Variants in USP37 observed in about 807,000 individuals in gnomAD.
USP37 encodes ubiquitin carboxyl-terminal hydrolase 37.
In USP37, 27 loss-of-function variants were observed where a neutral mutation model predicts 124.0. The observed-to-expected ratio is 0.22, with a 90% CI of 0.16 to 0.30. The LOEUF (loss-of-function observed/expected upper bound fraction) is 0.30, where lower values mean the gene tolerates loss of function less well. Ranked by LOEUF, USP37 falls within the 10% of genes least tolerant of loss-of-function variation. USP37 has a pLI of 1.00. For synonymous variants in USP37, 365 were observed against 388.0 expected, an observed-to-expected ratio of 0.94 and a Z score of 0.70; for missense variants, 889 against 1,140.4, an observed-to-expected ratio of 0.78 and a Z score of 3.17.
intron 3 of USP37, among the ~76,000 whole-genome samples, chr2:218,559,966 T>C (rs563932858): frequency 6.6e-6 from 1 of 151,786 alleles, no homozygotes; most frequent in East Asian, 1.9e-4. Context: ...GGTGACACTC[T>C]GAGTGAGACC....
intron 11 of USP37, chr2:218,500,875 A>T (rs1302294666): frequency 6.2e-6 from 1 of 160,218 alleles, no homozygotes; most frequent in Non-Finnish European, 1.5e-5. Flanking sequence ...GTCCTCCTCT[A>T]TTGGGGATGG....
chr2:218,520,800 G>C (rs1690568512), intron 10 of USP37, among the ~76,000 whole-genome samples: 2 of 152,088 alleles, frequency 1.3e-5, no homozygotes, highest in Admixed American at 1.3e-4. Flanking sequence ...ACCTTTACTT[G>C]ACATGACATC....
chr2:218,523,887 A>AT (rs1179314718), intron 10 of USP37, among the ~76,000 whole-genome samples: 2 of 152,154 alleles, frequency 1.3e-5, no homozygotes, highest in Non-Finnish European at 2.9e-5. Flanking sequence ...CTTCAGAACA[A>AT]TATCACCCTG....
intron 5 of USP37, among the ~76,000 whole-genome samples, chr2:218,552,224 C>T (rs774547475): frequency 3.9e-5 from 6 of 151,994 alleles, no homozygotes; most frequent in Non-Finnish European, 5.9e-5. Flanking sequence ...AATACGGTGT[C>T]GAATGGAGAT....
chr2:218,495,618 T>G (rs537652779), intron 14 of USP37, 142 bp downstream of exon 14: 34 of 858,390 alleles, frequency 4.0e-5, no homozygotes, highest in Non-Finnish European at 4.4e-5. Flanking sequence ...GTTGTGCCAC[T>G]GCACCCAAGA....
rs61488353 is a variant in USP37 at position 218,557,930 on chromosome 2, C to CAAAAAAA, written c.156+561_156+567dup. Among the ~76,000 whole-genome samples the CAAAAAAA allele has an allele frequency of 9.1e-3, 323 of 35,652 alleles. 19 individuals carry two copies. Among genetic ancestry groups the CAAAAAAA allele is most frequent in the African/African-American group, 0.024 (293 of 12,010 alleles). The allele number at this position is 35,652 out of a possible 152,430, so 23.4% of individuals were successfully genotyped here. ...TGGGTGACAGAGGAAGACTCTGTCT[C>CAAAAAAA]AAAAAAAAAAAAAAAAAAAAGGTGA... On this transcript the variant is annotated intron_variant, in intron 4 of 25. Coordinates refer to ENST00000258399, the MANE Select transcript of USP37 (RefSeq NM_020935.3).
intron 17 of USP37, among the ~76,000 whole-genome samples, chr2:218,480,448 GAAAATA>G (rs1252314033): frequency 7.5e-6 from 1 of 132,744 alleles, no homozygotes; most frequent in Non-Finnish European, 1.7e-5. Flanking sequence ...GGCCAAAAGA[GAAAATA>G]AAATACCATC....
At chr2:218,520,413 GA>G (rs892156767) in intron 10 of USP37, among the ~76,000 whole-genome samples, 1 of 147,448 alleles carries the variant, frequency 6.8e-6, no homozygotes, top group Non-Finnish European at 1.5e-5. Context: ...GCAACGGAGC[GA>G]ACTTGGCTCA....
Position 218,547,041 on chromosome 2 carries a change from T to C in USP37, c.480A>G (p.Arg160=). ...CTCTACCCGGATTACCAAGAACTTT[T>C]CGAAATGGAATATCATCTTTAGTTT... is the stretch of plus-strand genomic sequence containing the variant. ...SLETKDDIPF[R]KVLGNPGRGS... Residue 160 remains arginine (R), a synonymous_variant, in exon 7 of 26, where the codon CGA becomes CGG. Coordinates refer to ENST00000258399, the MANE Select transcript of USP37 (RefSeq NM_020935.3). 6.2e-7 allele frequency: 1 copy of C among 1,611,578 alleles called. No homozygotes were observed. The highest frequency in any genetic ancestry group is 8.5e-7 in the Non-Finnish European group (1 of 1,179,478).
At position 218,488,341 on chromosome 2, in the gene USP37, G is replaced by A. The variant is rs771968093; in HGVS notation, c.1553C>T (p.Pro518Leu). Residue 518 changes from proline (P) to leucine (L), a missense_variant, in exon 15 of 26, where the codon CCT becomes CTT. Around this residue, in one of 3 missense-constraint regions of USP37, gnomAD observed 504 missense variants for 714.3 expected, o/e 0.71. Transcript: ENST00000258399. ...DLPRRKKPLPPRSIQDSLDLF... is the reference protein window; with the variant it reads ...DLPRRKKPLPLRSIQDSLDLF... ...ATCAAGAGAATCTTGAATTGAACGA[G>A]GAGGGAGTGGTTTTTTCCTACGAGG... 1 of 1,612,358 alleles carries A rather than the reference G, an allele frequency of 6.2e-7. No individual in the cohort carries two copies. Among genetic ancestry groups the A allele is most frequent in the South Asian group, 1.1e-5 (1 of 90,694 alleles).
rs35776200 is a variant in USP37, at chr2:218,554,746, CA to C, written c.157-1023del. 9.4e-3 allele frequency among the ~76,000 whole-genome samples: 1,143 copies of C among 121,966 alleles called. 10 individuals carry two copies. Among genetic ancestry groups the C allele is most frequent in the African/African-American group, 0.037 (988 of 26,742 alleles). 80.0% of individuals were successfully genotyped at this position (121,966 alleles called of 152,430 possible). A position where few individuals can be genotyped will look rare whatever the true frequency, so the allele number is the denominator to read the frequency against. ...TGGATGACAGAGCAAAACTTTGTCTCAAAAAAAAAAAAAAAAATTGGAGTAG... is the reference window on the plus strand; with the variant it reads ...TGGATGACAGAGCAAAACTTTGTCTCAAAAAAAAAAAAAAAATTGGAGTAG... On this transcript the variant is annotated intron_variant, in intron 4 of 25. Coordinates refer to ENST00000258399, the MANE Select transcript of USP37 (RefSeq NM_020935.3).
At chr2:218,499,165 T>C (rs1479848886) in intron 11 of USP37, among the ~76,000 whole-genome samples, 1 of 152,122 alleles carries the variant, frequency 6.6e-6, no homozygotes, top group Non-Finnish European at 1.5e-5. Context: ...TCCCAGCTAC[T>C]TGGGAGGCTG....
At chr2:218,534,845 T>C (rs772419183) in intron 8 of USP37, 139 bp from the exon 9 acceptor site, 54 of 454,726 alleles carry the variant, frequency 1.2e-4, no homozygotes, top group Non-Finnish European at 1.9e-4. Context: ...ACAAGATTGT[T>C]AGTCTCAAAA....
At chr2:218,565,083 G>A (rs749008235) in intron 1 of USP37, among the ~76,000 whole-genome samples, 2 of 151,946 alleles carry the variant, frequency 1.3e-5, no homozygotes, top group African/African-American at 4.8e-5. Flanking sequence ...CACCAAACCC[G>A]GCTAATTTTT....
intron 8 of USP37, among the ~76,000 whole-genome samples, chr2:218,535,752 G>A (rs1264229932): frequency 6.6e-6 from 1 of 151,948 alleles, no homozygotes; most frequent in Non-Finnish European, 1.5e-5. Flanking sequence ...CTACGCAGGA[G>A]GCTGAGGTGG....
At chr2:218,479,526 G>A in intron 18 of USP37, 124 bp downstream of exon 18, 1 of 768,408 alleles carries the variant, frequency 1.3e-6, no homozygotes, top group Non-Finnish European at 2.2e-6. Flanking sequence ...AAAAGTATAG[G>A]TAATAAAGAG....
At chr2:218,476,355 C>T (rs1220542653) in intron 19 of USP37, among the ~76,000 whole-genome samples, 1 of 150,848 alleles carries the variant, frequency 6.6e-6, no homozygotes, top group Non-Finnish European at 1.5e-5. Flanking sequence ...GGTAGGATCA[C>T]CTGAGCCCAG....
At position 218,455,728 on chromosome 2, in the gene USP37, A is replaced by G. The variant is rs748851112; in HGVS notation, c.2714-10T>C. Reference sequence around the variant, plus strand: ...TCACTAATGTAATGACCTGAAACAAATAACATCTTAAAATCAAGGTTTTTA... The same window carrying G: ...TCACTAATGTAATGACCTGAAACAAGTAACATCTTAAAATCAAGGTTTTTA... On this transcript the variant is annotated splice_polypyrimidine_tract_variant and intron_variant, in intron 24 of 25. Coordinates refer to ENST00000258399, the MANE Select transcript of USP37 (RefSeq NM_020935.3). 3 of 1,611,442 alleles carry G rather than the reference A, an allele frequency of 1.9e-6. No individual in the cohort carries two copies. Among genetic ancestry groups the G allele is most frequent in the Non-Finnish European group, 1.7e-6 (2 of 1,178,392 alleles).
rs1457197151 is a variant in USP37 at position 218,552,285 on chromosome 2, T to A, written c.328+1268A>T. Among the ~76,000 whole-genome samples, 3 of 152,208 alleles carry A rather than the reference T, an allele frequency of 2.0e-5. No individual in the cohort carries two copies. In the East Asian group the frequency reaches 5.8e-4, roughly 29 times the overall value. On this transcript the variant is annotated intron_variant, in intron 5 of 25. Transcript: ENST00000258399. ...CCTTCATTTTCTGATGTTTTTAATG[T>A]GTCATATTTAAGTTGAAAAAATTCA...
Sources: allele counts gnomAD v4.1 joint callset (sites outside exome capture counted in the v4.1 genomes callset), GRCh38; gene constraint gnomAD v4.1.1; regional missense constraint gnomAD v4.1.1; transcripts MANE v1.5; gene names NCBI Gene and HGNC (gene_info 2026-07-23, HGNC 2026-07-21).